Variants in KRABD4 observed in about 807,000 individuals in gnomAD.
The protein encoded by KRABD4 is KRAB domain-containing protein 4.
the KRABD4 span, chrX:46,455,510 A>C: frequency 2.3e-6 from 1 of 431,070 alleles, no homozygotes; most frequent in South Asian, 3.0e-5. Context: ...TGTCCACCTG[A>C]GAAATGGCCT....
the KRABD4 span, chrX:46,454,031 T>G: frequency 1.7e-5 from 2 of 114,291 alleles, no homozygotes; most frequent in Non-Finnish European, 3.7e-5. Flanking sequence ...TCATATTCCC[T>G]CTCTAGTCTT....
At chrX:46,469,309 A>G in the KRABD4 span, among the ~76,000 whole-genome samples, 1 of 112,456 alleles carries the variant, frequency 8.9e-6, no homozygotes, top group African/African-American at 3.2e-5. Flanking sequence ...GAGCCTTCTA[A>G]ATCATGAATA....
the KRABD4 span, chrX:46,455,405 G>C: frequency 8.8e-6 from 4 of 455,982 alleles, no homozygotes; most frequent in African/African-American, 9.6e-5. Context: ...GCAATGTGTA[G>C]AGTAGGCTGC....
At chrX:46,457,775 C>T in the KRABD4 span, among the ~76,000 whole-genome samples, 6 of 109,506 alleles carry the variant, frequency 5.5e-5, no homozygotes, top group East Asian at 5.6e-4. Flanking sequence ...GATGGAGTTT[C>T]GCTGTGTCAC....
the KRABD4 span, chrX:46,455,137 A>G: frequency 3.8e-6 from 3 of 781,322 alleles, no homozygotes; most frequent in Non-Finnish European, 5.5e-6. Context: ...TACAGGAGAC[A>G]AGGATTTCAA....
the KRABD4 span, among the ~76,000 whole-genome samples, chrX:46,471,746 G>A: frequency 3.6e-5 from 4 of 111,973 alleles, no homozygotes; most frequent in African/African-American, 1.3e-4. Context: ...TTTTCAGACT[G>A]GCTTCTTTCA....
At chrX:46,469,055 A>G in the KRABD4 span, among the ~76,000 whole-genome samples, 2 of 112,390 alleles carry the variant, frequency 1.8e-5, no homozygotes, top group African/African-American at 3.2e-5. Flanking sequence ...TCTGGTTCCA[A>G]GCATTTTGGA....
chrX:46,473,549 T>C, the KRABD4 span: 2 of 589,898 alleles, frequency 3.4e-6, no homozygotes, highest in South Asian at 3.1e-5. Context: ...TCAACTCTCA[T>C]TGTATGTCAC....
At chrX:46,463,292 A>G in the KRABD4 span, 14 of 1,209,907 alleles carry the variant, frequency 1.2e-5, no homozygotes, top group Non-Finnish European at 2.2e-6. Context: ...GGACCTGTGC[A>G]GGTGAGGACA....
chrX:46,457,144 T>C, the KRABD4 span: 1 of 318,334 alleles, frequency 3.1e-6, no homozygotes, highest in Non-Finnish European at 5.7e-6. Flanking sequence ...ATCCTGTAAG[T>C]ACTGATAAAG....
At chrX:46,463,066 A>G in the KRABD4 span, 11 of 948,576 alleles carry the variant, frequency 1.2e-5, no homozygotes, top group Non-Finnish European at 1.6e-5. Context: ...CTTGCTTGCT[A>G]TGTGAATGTT....
the KRABD4 span, among the ~76,000 whole-genome samples, chrX:46,460,623 G>A: frequency 1.1e-5 from 1 of 89,910 alleles, no homozygotes; most frequent in Non-Finnish European, 2.0e-5. Flanking sequence ...GGTTGTTGTC[G>A]TTATTGTTGT....
chrX:46,465,040 A>T, the KRABD4 span, among the ~76,000 whole-genome samples: 2 of 112,034 alleles, frequency 1.8e-5, no homozygotes, highest in African/African-American at 6.5e-5. Context: ...TCTCTCTATG[A>T]AAAGTAAGGA....
chrX:46,450,052 C>T, the KRABD4 span, among the ~76,000 whole-genome samples: 5 of 111,777 alleles, frequency 4.5e-5, no homozygotes, highest in East Asian at 2.8e-4. Flanking sequence ...CCACTGCACC[C>T]GGCCGCTTCC....
At chrX:46,465,935 A>G in the KRABD4 span, among the ~76,000 whole-genome samples, 1 of 112,198 alleles carries the variant, frequency 8.9e-6, no homozygotes, top group Non-Finnish European at 1.9e-5. Context: ...AGCAGAAAAC[A>G]GCAGAAAGCA....
At chrX:46,461,524 C>T in the KRABD4 span, among the ~76,000 whole-genome samples, 2 of 111,690 alleles carry the variant, frequency 1.8e-5, no homozygotes, top group African/African-American at 6.5e-5. Flanking sequence ...AAACTGGTGC[C>T]ACTGTGGCTG....
At chrX:46,463,389 G>T in the KRABD4 span, 1 of 881,089 alleles carries the variant, frequency 1.1e-6, no homozygotes, top group East Asian at 3.1e-5. Flanking sequence ...CCTTCTCAGA[G>T]CCTCGGACTT....
At chrX:46,455,202 A>C in the KRABD4 span, 8 of 1,088,454 alleles carry the variant, frequency 7.3e-6, no homozygotes, top group South Asian at 1.4e-4. Flanking sequence ...CTGCCTCTGA[A>C]GCTTTAAATC....
At chrX:46,460,153 G>A in the KRABD4 span, among the ~76,000 whole-genome samples, 608 of 112,005 alleles carry the variant, frequency 5.4e-3, 6 homozygotes, top group East Asian at 0.019. Context: ...GGCAAAGCGC[G>A]GTGGCTCATT....
Sources: allele counts gnomAD v4.1 joint callset (sites outside exome capture counted in the v4.1 genomes callset), GRCh38; gene constraint gnomAD v4.1.1; transcripts MANE v1.5; gene names NCBI Gene and HGNC (gene_info 2026-07-23, HGNC 2026-07-21).